The following ROR1 variants were observed in gnomAD, a reference collection of about 807,000 sequenced individuals.
ROR1 encodes the protein inactive tyrosine-protein kinase transmembrane receptor ROR1.
Under a neutral mutation model 78.8 loss-of-function variants are expected in ROR1, and 19 were observed. The ratio of observed to expected loss-of-function variants is 0.24; its 90% CI spans 0.17 to 0.35. ROR1 has a LOEUF of 0.35. Ranked by LOEUF, ROR1 falls within the 10% of genes least tolerant of loss-of-function variation. The pLI, the probability that ROR1 is intolerant of heterozygous loss-of-function variation, is 1.00. For synonymous variants in ROR1, 386 were observed against 433.6 expected (o/e 0.89, Z 1.36); for missense variants, 917 against 1,177.8 (o/e 0.78, Z 3.24).
intron 1 of ROR1, among the ~76,000 whole-genome samples, chr1:63,975,976 G>T (rs1201955886): frequency 1.3e-5 from 2 of 152,138 alleles, no homozygotes; most frequent in African/African-American, 4.8e-5. Flanking sequence ...TCATTCACTG[G>T]GCTAATAGTG....
intron 1 of ROR1, among the ~76,000 whole-genome samples, chr1:63,946,089 C>T (rs967386797): frequency 5.3e-5 from 8 of 152,212 alleles, no homozygotes; most frequent in African/African-American, 1.9e-4. Flanking sequence ...GTTTGGCTGT[C>T]ATAGCCCAGA....
intron 1 of ROR1, among the ~76,000 whole-genome samples, chr1:63,981,467 T>C (rs1166906730): frequency 1.3e-5 from 2 of 152,120 alleles, no homozygotes; most frequent in Admixed American, 1.3e-4. Flanking sequence ...AAGGGCAGGG[T>C]TTCCTTGATG....
intron 2 of ROR1, among the ~76,000 whole-genome samples, chr1:64,036,468 T>C (rs1292192405): frequency 6.6e-6 from 1 of 152,180 alleles, no homozygotes; most frequent in Non-Finnish European, 1.5e-5. Flanking sequence ...TCCAGGAGTC[T>C]CCCAGAATAT....
intron 1 of ROR1, among the ~76,000 whole-genome samples, chr1:63,841,049 C>T (rs186227581): frequency 2.8e-4 from 42 of 152,266 alleles, no homozygotes; most frequent in Middle Eastern, 3.4e-3. Context: ...AGTATTTCTT[C>T]CCCAACTAGT....
intron 1 of ROR1, among the ~76,000 whole-genome samples, chr1:63,860,890 A>G (rs1189675195): frequency 6.6e-6 from 1 of 152,200 alleles, no homozygotes; most frequent in African/African-American, 2.4e-5. Flanking sequence ...AGACATGACA[A>G]ATCAGTTATG....
intron 1 of ROR1, among the ~76,000 whole-genome samples, chr1:63,957,480 C>T (rs899508739): frequency 5.9e-5 from 9 of 152,172 alleles, no homozygotes; most frequent in Non-Finnish European, 1.2e-4. Flanking sequence ...GTTGCCCCAA[C>T]AACAGAGGAT....
At chr1:64,050,611 G>A (rs1296419194) in intron 3 of ROR1, 75 bp from the exon 4 acceptor site, 5 of 1,348,988 alleles carry the variant, frequency 3.7e-6, no homozygotes, top group Middle Eastern at 1.8e-4. Flanking sequence ...AATTTGTAAT[G>A]ATTTGACTGT....
chr1:63,946,350 G>A lies in ROR1; in HGVS notation c.92-62955G>A, dbSNP rs187502896. ...ACTATCTCTGAAAACCTCCCCCAGC[G>A]TTTTTCCCCAATGTCTGTTTAACCA... On this transcript the variant is annotated intron_variant, in intron 1 of 8. Transcript: ENST00000371079. 2.9e-4 allele frequency among the ~76,000 whole-genome samples: 44 copies of A among 152,212 alleles called. 1 individual carries two copies. The highest frequency in any genetic ancestry group is 1.7e-3 in the Admixed American group (26 of 15,300).
chr1:63,777,261 T>C (rs1466055271), intron 1 of ROR1, among the ~76,000 whole-genome samples: 1 of 152,218 alleles, frequency 6.6e-6, no homozygotes, highest in African/African-American at 2.4e-5. Context: ...GGCTTGCTAC[T>C]GTGTTTGCTA....
intron 1 of ROR1, among the ~76,000 whole-genome samples, chr1:63,922,748 G>A (rs1285009999): frequency 1.3e-5 from 2 of 152,102 alleles, no homozygotes; most frequent in Admixed American, 6.6e-5. Flanking sequence ...TGATGGTTTT[G>A]TTACCCATAT....
At chr1:64,008,681 C>A (rs1170432823) in intron 1 of ROR1, among the ~76,000 whole-genome samples, 1 of 152,100 alleles carries the variant, frequency 6.6e-6, no homozygotes, top group African/African-American at 2.4e-5. Flanking sequence ...GTCAGCCAGG[C>A]TGGATTTCAG....
At chr1:63,839,361 T>C (rs1053748876) in intron 1 of ROR1, among the ~76,000 whole-genome samples, 7 of 139,334 alleles carry the variant, frequency 5.0e-5, no homozygotes, top group African/African-American at 1.7e-4. Flanking sequence ...TCTATCTATC[T>C]ATCTATCTAT....
chr1:63,962,493 CT>C (rs1472099325), intron 1 of ROR1, among the ~76,000 whole-genome samples: 1 of 152,160 alleles, frequency 6.6e-6, no homozygotes, highest in Admixed American at 6.5e-5. Context: ...AAGTACAGAA[CT>C]GCTAAGGGAG....
intron 1 of ROR1, among the ~76,000 whole-genome samples, chr1:63,963,586 C>CAAA (rs398053056): frequency 4.1e-5 from 5 of 122,154 alleles, no homozygotes; most frequent in African/African-American, 1.2e-4. Context: ...CAAAACAAAA[C>CAAA]AAAAAAAAAA....
chr1:64,082,799 C>T (rs1647114853), intron 4 of ROR1, among the ~76,000 whole-genome samples: 4 of 152,216 alleles, frequency 2.6e-5, no homozygotes, highest in Admixed American at 2.6e-4. Context: ...CCCTTCTTCC[C>T]ACTCTTCTTT....
rs2100235198 is a variant in ROR1, at chr1:63,789,518, C to A, written c.91+15010C>A. Among the ~76,000 whole-genome samples the A allele has an allele frequency of 2.6e-5, 4 of 152,010 alleles. No individual in the cohort carries two copies. The South Asian group carries it at 8.3e-4, about 32-fold the overall frequency. On this transcript the variant is annotated intron_variant, in intron 1 of 8. Coordinates refer to ENST00000371079, the MANE Select transcript of ROR1 (RefSeq NM_005012.4). ...TGGCAAAGAGGGACAGAGGAAGAGA[C>A]TTATGGTATCTAGAAGGAAGTTGGC...
Position 64,178,218 on chromosome 1 carries a change from C to G in ROR1, c.2177C>G (p.Thr726Arg), listed in dbSNP as rs1476090584. 6.2e-7 allele frequency: 1 copy of G among 1,614,120 alleles called. No individual in the cohort carries two copies. The highest frequency in any genetic ancestry group is 1.1e-5 in the South Asian group (1 of 91,072). ...CCACCCAGAATGTACAGCCTCATGA[C>G]AGAGTGCTGGAATGAGATTCCTTCT... is the stretch of plus-strand genomic sequence containing the variant. Reference protein sequence around the residue: ...DCPPRMYSLMTECWNEIPSRR... With the variant: ...DCPPRMYSLMRECWNEIPSRR... The change falls in exon 9 of 9, where the codon ACA becomes AGA. Residue 726 changes from threonine (T) to arginine (R), a missense_variant. Coordinates refer to ENST00000371079, the MANE Select transcript of ROR1 (RefSeq NM_005012.4). The surrounding 1 kb of genome is among the most constrained non-coding windows in gnomAD (Gnocchi z 4.3).
At chr1:63,832,473 T>A (rs937472615) in intron 1 of ROR1, among the ~76,000 whole-genome samples, 18 of 152,160 alleles carry the variant, frequency 1.2e-4, no homozygotes, top group African/African-American at 4.3e-4. Flanking sequence ...GTCTCCTCCC[T>A]TGACATGTGG....
At chr1:64,102,615 T>C (rs1438429607) in intron 4 of ROR1, among the ~76,000 whole-genome samples, 1 of 152,226 alleles carries the variant, frequency 6.6e-6, no homozygotes, top group Admixed American at 6.5e-5. Flanking sequence ...GATGGGAATA[T>C]GCACAAAGGT....
Sources: allele counts gnomAD v4.1 joint callset (sites outside exome capture counted in the v4.1 genomes callset), GRCh38; gene constraint gnomAD v4.1.1; non-coding constraint Gnocchi (gnomAD v3.1); transcripts MANE v1.5; gene names NCBI Gene and HGNC (gene_info 2026-07-23, HGNC 2026-07-21).